TRHDE: variants seen among roughly 807,000 people sequenced by gnomAD.
The protein encoded by TRHDE is thyrotropin-releasing hormone-degrading ectoenzyme.
A neutral mutation model predicts 125.7 loss-of-function variants in TRHDE; 72 were observed. That is an observed-to-expected ratio of 0.57 (90% confidence interval 0.47 to 0.70). The LOEUF is 0.70. Among genes scored for constraint, TRHDE ranks in the 30% least tolerant of loss-of-function variants. The pLI is 0.00. For synonymous variants in TRHDE, 509 were observed against 509.1 expected (o/e 1.00, Z 0.00); for missense variants, 1,110 against 1,327.1 (o/e 0.84, Z 2.54).
chr12:72,456,546 A>C (rs926618484), intron 3 of TRHDE, among the ~76,000 whole-genome samples: 1 of 152,106 alleles, frequency 6.6e-6, no homozygotes, highest in Non-Finnish European at 1.5e-5. Flanking sequence ...CTCCTGTTGC[A>C]AGTGTAGTGA....
At chr12:72,436,701 A>G (rs1874761808) in intron 3 of TRHDE, among the ~76,000 whole-genome samples, 2 of 151,932 alleles carry the variant, frequency 1.3e-5, no homozygotes, top group Non-Finnish European at 2.9e-5. Context: ...TTTCAAGATC[A>G]TTGACGTACT....
At chr12:72,125,036 T>C (rs933521237) in intron 2 of TRHDE, among the ~76,000 whole-genome samples, 2 of 152,216 alleles carry the variant, frequency 1.3e-5, no homozygotes, top group East Asian at 3.8e-4. Context: ...ATATGATATA[T>C]CCTTGTTTCC....
chr12:72,514,278 TA>T (rs1202868100), intron 6 of TRHDE, among the ~76,000 whole-genome samples: 1 of 152,068 alleles, frequency 6.6e-6, no homozygotes, highest in Non-Finnish European at 1.5e-5. Flanking sequence ...CAGAAACAAT[TA>T]AGAGAAGAAT....
intron 3 of TRHDE, among the ~76,000 whole-genome samples, chr12:72,446,063 C>T (rs1288425654): frequency 6.6e-6 from 1 of 151,320 alleles, no homozygotes; most frequent in African/African-American, 2.4e-5. Flanking sequence ...CAGTGCTTCT[C>T]AAATTTTAAT....
At chr12:72,222,083 G>C (rs1001923956) in intron 2 of TRHDE, among the ~76,000 whole-genome samples, 1 of 152,078 alleles carries the variant, frequency 6.6e-6, no homozygotes, top group African/African-American at 2.4e-5. Flanking sequence ...ATTTCAGCAA[G>C]GAAGACAGAA....
chr12:72,571,676 T>G (rs562107277), intron 10 of TRHDE, among the ~76,000 whole-genome samples: 6 of 152,214 alleles, frequency 3.9e-5, no homozygotes, highest in Non-Finnish European at 7.4e-5. Context: ...AATTAACGGT[T>G]CATGGAGAGG....
chr12:72,476,482 A>G (rs1253695338), intron 5 of TRHDE, among the ~76,000 whole-genome samples: 3 of 152,214 alleles, frequency 2.0e-5, no homozygotes, highest in East Asian at 3.9e-4. Flanking sequence ...ACTCAAAAGG[A>G]CAAGAGTAAT....
rs1303484607 is a variant in TRHDE, at chr12:72,326,831, T to A, written c.1188+39877T>A. On this transcript the variant is annotated intron_variant, in intron 2 of 18. Coordinates refer to ENST00000261180, the MANE Select transcript of TRHDE (RefSeq NM_013381.3). ...TGAACAAATTGAGCCTTATCAAAAC[T>A]TGCTACATTGCCCTTACTTTTTTCA... Among the ~76,000 whole-genome samples, 3 of 152,186 alleles carry A rather than the reference T, an allele frequency of 2.0e-5. No homozygotes were observed. The East Asian group carries it at 5.8e-4, about 29-fold the overall frequency.
chr12:72,454,618 T>G (rs1434008356), intron 3 of TRHDE, among the ~76,000 whole-genome samples: 1 of 152,212 alleles, frequency 6.6e-6, no homozygotes, highest in African/African-American at 2.4e-5. Context: ...TCTTCATGGA[T>G]AGTCTTAAGC....
At chr12:72,642,008 C>A (rs775849954) in intron 15 of TRHDE, among the ~76,000 whole-genome samples, 7 of 152,096 alleles carry the variant, frequency 4.6e-5, no homozygotes, top group Non-Finnish European at 1.0e-4. Flanking sequence ...TGAAAGAAAC[C>A]CCAGATTGTT....
intron 12 of TRHDE, among the ~76,000 whole-genome samples, chr12:72,582,055 T>C (rs920488823): frequency 1.6e-5 from 2 of 127,884 alleles, no homozygotes; most frequent in Non-Finnish European, 3.1e-5. Flanking sequence ...TGAGCCAAGA[T>C]GGTGCCACTG....
At position 72,272,851 on chromosome 12, in the gene TRHDE, G is replaced by A; in HGVS notation, c.208G>A (p.Val70Met). The change falls in exon 1 of 19, where the codon GTG (valine) becomes ATG (methionine). Residue 70 changes from valine to methionine, a missense_variant. By Grantham distance (21) the Val-to-Met change is conservative. Coordinates refer to ENST00000261180, the MANE Select transcript of TRHDE (RefSeq NM_013381.3). The surrounding 1 kb of genome is among the most constrained non-coding windows in gnomAD (Gnocchi z 6.7). ...CGACCCGTGGGCAGACTCAGTGGGA[G>A]TGCGACCCCGCACCACGGAGCGCCA... Reference protein sequence around the residue: ...LSDPWADSVGVRPRTTERHIA... With the variant: ...LSDPWADSVGMRPRTTERHIA... 1 of 1,582,654 alleles carries A rather than the reference G, an allele frequency of 6.3e-7. No homozygotes were observed. Among genetic ancestry groups the A allele is most frequent in the Non-Finnish European group, 8.5e-7 (1 of 1,172,276 alleles).
At chr12:72,618,622 G>C (rs1443758917) in intron 12 of TRHDE, among the ~76,000 whole-genome samples, 1 of 152,014 alleles carries the variant, frequency 6.6e-6, no homozygotes, top group Non-Finnish European at 1.5e-5. Context: ...GCTCGGTTTT[G>C]CTTATGTTCC....
chr12:72,499,707 T>C lies in TRHDE; in HGVS notation c.1722+72T>C. On this transcript the variant is annotated intron_variant, in intron 6 of 18. Coordinates refer to ENST00000261180, the MANE Select transcript of TRHDE (RefSeq NM_013381.3). The stretch of plus-strand genomic sequence containing the variant: ...TAGCTAAACTAATTCATGTTAGATG[T>C]ATGTATTTTTCTTTTTTTCCGGGCA... The C allele has an allele frequency of 3.2e-6, 5 of 1,538,628 alleles. No individual in the cohort carries two copies. In the South Asian group the frequency reaches 6.1e-5, roughly 19 times the overall value.
chr12:72,621,560 T>A (rs1873051919), intron 14 of TRHDE, 84 bp from the exon 15 acceptor site: 1 of 1,021,238 alleles, frequency 9.8e-7, no homozygotes, highest in Non-Finnish European at 1.4e-6. Context: ...ACCATTTTTA[T>A]GTTAATAATT....
At chr12:72,271,935 C>T (rs989333784), upstream of TRHDE, 2 of 456,538 alleles carry the variant, frequency 4.4e-6, no homozygotes, top group African/African-American at 4.0e-5. Context: ...CTGCCGTTTG[C>T]CGCCACCGCC....
intron 2 of TRHDE, among the ~76,000 whole-genome samples, chr12:72,375,543 G>T (rs2135771886): frequency 6.6e-6 from 1 of 152,300 alleles, no homozygotes; most frequent in Middle Eastern, 3.4e-3. Context: ...CGTCCTAAGA[G>T]TAAAACCAGT....
At chr12:72,627,065 T>C (rs760576674) in intron 15 of TRHDE, among the ~76,000 whole-genome samples, 5 of 151,952 alleles carry the variant, frequency 3.3e-5, no homozygotes, top group African/African-American at 4.8e-5. Flanking sequence ...AAGGAGTTTG[T>C]ATGGAATAGC....
At chr12:72,338,033 A>G (rs1396920268) in intron 2 of TRHDE, among the ~76,000 whole-genome samples, 1 of 152,120 alleles carries the variant, frequency 6.6e-6, no homozygotes, top group Non-Finnish European at 1.5e-5. Flanking sequence ...ATCTGCAGGA[A>G]TTTTCTGCTA....
Sources: gnomAD v4.1 joint callset for allele counts (sites outside exome capture counted in the v4.1 genomes callset) on GRCh38, gnomAD v4.1.1 for gene constraint, Gnocchi (gnomAD v3.1) non-coding constraint, MANE v1.5 for transcripts, NCBI Gene and HGNC (gene_info 2026-07-23, HGNC 2026-07-21) for gene names.